The following SEC14L1 variants were observed in gnomAD, a reference collection of about 807,000 sequenced individuals.
SEC14L1 encodes the protein SEC14 like lipid binding 1.
SEC14L1 carries 48 observed loss-of-function variants against 85.3 expected under a neutral mutation model. The ratio of observed to expected loss-of-function variants is 0.56; its 90% CI spans 0.45 to 0.72. The LOEUF is 0.72. Ranked by LOEUF, SEC14L1 falls within the 30% of genes least tolerant of loss-of-function variation. The pLI is 0.00. For synonymous variants in SEC14L1, 391 were observed against 355.5 expected (o/e 1.10, Z -1.12); for missense variants, 682 against 921.4 (o/e 0.74, Z 3.36).
rs764680383 is a variant in SEC14L1, at chr17:77,216,389, T to G, written c.*2366T>G. 46 of 981,080 alleles carry G rather than the reference T, an allele frequency of 4.7e-5. No homozygotes were observed. Among genetic ancestry groups the G allele is most frequent in the Non-Finnish European group, 6.2e-5 (45 of 726,894 alleles). The allele number at this position is 981,080 out of a possible 1,614,324, so 60.8% of individuals were successfully genotyped here. On this transcript the variant is annotated 3_prime_UTR_variant, in exon 17 of 17. Transcript: ENST00000436233. ...AGGGCTAGTAGGTAGGGCTAGTAGG[T>G]AGGGCTAGTAGGTAGGGTTCGTAGG...
In SEC14L1 at chr17:77,206,520, C is replaced by A. The variant is rs1976471479; in HGVS notation, c.1341+120C>A. ...TCTTAGGAAAAAAAACAATAACATGCAAAGATATAAAATTTCTCAAATTGT... is the reference window on the plus strand; with the variant it reads ...TCTTAGGAAAAAAAACAATAACATGAAAAGATATAAAATTTCTCAAATTGT... On this transcript the variant is annotated intron_variant, in intron 12 of 16. Coordinates refer to ENST00000436233, the MANE Select transcript of SEC14L1 (RefSeq NM_001143998.2). This position sits in a 1 kb window ranked among gnomAD's most constrained non-coding sequence, Gnocchi z 4.3. The A allele has an allele frequency of 7.6e-7, 1 of 1,312,432 alleles. No homozygotes were observed. Among genetic ancestry groups the A allele is most frequent in the Non-Finnish European group, 1.0e-6 (1 of 964,110 alleles). 81.3% of individuals were successfully genotyped at this position (1,312,432 alleles called of 1,614,324 possible).
chr17:77,204,466 C>T (rs145051503), intron 10 of SEC14L1, among the ~76,000 whole-genome samples: 4,427 of 151,116 alleles, frequency 0.029, 122 homozygotes, highest in African/African-American at 0.062. Context: ...GTGATCCTCC[C>T]GCCTTGGCCT....
At chr17:77,140,382 G>A (rs568507377), upstream of SEC14L1, among the ~76,000 whole-genome samples, 2 of 152,344 alleles carry the variant, frequency 1.3e-5, no homozygotes, top group African/African-American at 4.8e-5. Context: ...CCTGGGCCGC[G>A]CAGCACCGGC....
rs369873363 is a variant in SEC14L1, at chr17:77,194,881, G to A, written c.679G>A (p.Ala227Thr). ...TGGTGATGCCCTCAGCAGCCCCAGCGCACCTGAGCCCGTGGTGGGCACCCC... is the reference window on the plus strand; with the variant it reads ...TGGTGATGCCCTCAGCAGCCCCAGCACACCTGAGCCCGTGGTGGGCACCCC... Reference protein sequence around the residue: ...LSGDALSSPSAPEPVVGTPDD... With the variant: ...LSGDALSSPSTPEPVVGTPDD... The change falls in exon 7 of 17, where the codon GCA (alanine) becomes ACA (threonine). Residue 227 changes from alanine to threonine, a missense_variant. Physicochemically the swap from Ala to Thr is moderately conservative, Grantham distance 58. Transcript: ENST00000436233. 69 of 1,614,120 alleles carry A rather than the reference G, an allele frequency of 4.3e-5. No individual in the cohort carries two copies. In the South Asian group the frequency reaches 5.4e-4, roughly 13 times the overall value.
chr17:77,148,953 C>T (rs772990259), intron 3 of SEC14L1, among the ~76,000 whole-genome samples: 1 of 152,232 alleles, frequency 6.6e-6, no homozygotes, highest in Non-Finnish European at 1.5e-5. Context: ...ACATTTGTTT[C>T]TGTCTTGTTC....
rs115049467 is a variant in SEC14L1, at chr17:77,148,719, C to G, written c.63+5060C>G. On this transcript the variant is annotated intron_variant, in intron 3 of 16. Coordinates refer to ENST00000436233, the MANE Select transcript of SEC14L1 (RefSeq NM_001143998.2). ...CCCTTTGCAGGGAAAGACCAGGGGTCCCTTGTTCCTTTGCGCACTCACATC... is the reference window on the plus strand; with the variant it reads ...CCCTTTGCAGGGAAAGACCAGGGGTGCCTTGTTCCTTTGCGCACTCACATC... Among the ~76,000 whole-genome samples the G allele has an allele frequency of 9.2e-5, 14 of 152,308 alleles. No homozygotes were observed. In the East Asian group the frequency reaches 2.5e-3, roughly 27 times the overall value.
intron 8 of SEC14L1, among the ~76,000 whole-genome samples, chr17:77,200,127 C>T (rs146052002): frequency 2.7e-3 from 412 of 152,298 alleles, no homozygotes; most frequent in African/African-American, 9.7e-3. Context: ...GATCATGCCA[C>T]AACACTCCAG....
chr17:77,171,715 C>G (rs1974530104), intron 3 of SEC14L1, among the ~76,000 whole-genome samples: 3 of 152,194 alleles, frequency 2.0e-5, no homozygotes, highest in Admixed American at 2.0e-4. Flanking sequence ...TTAATGCAAA[C>G]AGCTCACATG....
intron 3 of SEC14L1, among the ~76,000 whole-genome samples, chr17:77,158,037 G>T (rs1283948297): frequency 1.3e-5 from 2 of 151,762 alleles, no homozygotes; most frequent in Admixed American, 6.6e-5. Context: ...ATGAGCCACC[G>T]TGCCTGGCCA....
intron 2 of SEC14L1, chr17:77,089,364 G>T (rs1420971138): frequency 1.9e-6 from 1 of 518,708 alleles, no homozygotes; most frequent in Non-Finnish European, 3.8e-6. Context: ...GTGCAGCATG[G>T]TACCAGGCAG....
At chr17:77,148,337 C>T (rs1439068339) in intron 3 of SEC14L1, among the ~76,000 whole-genome samples, 2 of 152,228 alleles carry the variant, frequency 1.3e-5, no homozygotes, top group Middle Eastern at 3.4e-3. Flanking sequence ...GTGGCTTGGA[C>T]TCTGGTCTTT....
At chr17:77,189,737 T>A (rs966572812) in intron 3 of SEC14L1, among the ~76,000 whole-genome samples, 1 of 152,202 alleles carries the variant, frequency 6.6e-6, no homozygotes, top group Non-Finnish European at 1.5e-5. Flanking sequence ...CACGCCATTC[T>A]CCTGCCTCAG....
intron 3 of SEC14L1, among the ~76,000 whole-genome samples, chr17:77,187,673 C>T (rs1045158299): frequency 6.6e-6 from 1 of 151,810 alleles, no homozygotes; most frequent in Non-Finnish European, 1.5e-5. Context: ...CCACTGCACC[C>T]GGCCTTATTC....
Position 77,215,685 on chromosome 17 carries a change from T to C in SEC14L1, c.*1662T>C, listed in dbSNP as rs1977001866. On this transcript the variant is annotated 3_prime_UTR_variant, in exon 17 of 17. Coordinates refer to ENST00000436233, the MANE Select transcript of SEC14L1 (RefSeq NM_001143998.2). ...TCTTAGAGATCGAGCTCCTCAGTGG[T>C]ACCTGAAGCCTTTGCTTCCGGAAAG... 4 of 994,670 alleles carry C rather than the reference T, an allele frequency of 4.0e-6. No homozygotes were observed. The highest frequency in any genetic ancestry group is 4.3e-5 in the South Asian group (1 of 23,336). The allele number at this position is 994,670 out of a possible 1,614,324, so 61.6% of individuals were successfully genotyped here.
chr17:77,205,168 T>C (rs1976400607), intron 10 of SEC14L1, 108 bp from the exon 11 acceptor site: 4 of 921,596 alleles, frequency 4.3e-6, no homozygotes, highest in Non-Finnish European at 1.7e-6. Context: ...CTTTTTTGAT[T>C]TACATGCTTA....
At chr17:77,199,776 A>G (rs954493397) in intron 8 of SEC14L1, among the ~76,000 whole-genome samples, 1 of 152,218 alleles carries the variant, frequency 6.6e-6, no homozygotes, top group African/African-American at 2.4e-5. Context: ...AAGATTATTC[A>G]AACTGATAAT....
chr17:77,214,957 A>G lies in SEC14L1; in HGVS notation c.*934A>G. The G allele has an allele frequency of 1.0e-6, 1 of 985,404 alleles. No individual in the cohort carries two copies. The highest frequency in any genetic ancestry group is 4.7e-5 in the South Asian group (1 of 21,292). 61.0% of individuals were successfully genotyped at this position (985,404 alleles called of 1,614,324 possible). A position where few individuals can be genotyped will look rare whatever the true frequency, so the allele number is the denominator to read the frequency against. On this transcript the variant is annotated 3_prime_UTR_variant, in exon 17 of 17. Transcript: ENST00000436233. ...TCGCATTTGCCACTTGACACTGTCC[A>G]TGGGGTTTTATTAGTAGCTAAGCAG...
At chr17:77,202,946 A>T (rs536311807) in intron 9 of SEC14L1, among the ~76,000 whole-genome samples, 83 of 151,868 alleles carry the variant, frequency 5.5e-4, no homozygotes, top group East Asian at 2.1e-3. Flanking sequence ...TAAAAAAAAA[A>T]AAAAAACAGA....
intron 3 of SEC14L1, among the ~76,000 whole-genome samples, chr17:77,161,898 CTCTTTCTT>C (rs997188623): frequency 7.1e-6 from 1 of 140,092 alleles, no homozygotes; most frequent in Non-Finnish European, 1.5e-5. Flanking sequence ...CTCTCTTTCT[CTCTTTCTT>C]TCTCTTCTTT....
Sources: allele counts gnomAD v4.1 joint callset (sites outside exome capture counted in the v4.1 genomes callset), GRCh38; gene constraint gnomAD v4.1.1; non-coding constraint Gnocchi (gnomAD v3.1); transcripts MANE v1.5; gene names NCBI Gene and HGNC (gene_info 2026-07-23, HGNC 2026-07-21).